RNF217: variants seen among roughly 807,000 people sequenced by gnomAD.
RNF217 encodes the protein ring finger protein 217.
Under a neutral mutation model 57.8 loss-of-function variants are expected in RNF217, and 31 were observed. That is an observed-to-expected ratio of 0.54 (90% CI 0.40 to 0.72). RNF217 has a LOEUF of 0.72. Ranked by LOEUF, RNF217 falls within the 30% of genes least tolerant of loss-of-function variation. The pLI is 0.00. For synonymous variants in RNF217, 313 were observed against 294.0 expected, an observed-to-expected ratio of 1.06 and a Z score of -0.66; for missense variants, 696 against 708.3, an observed-to-expected ratio of 0.98 and a Z score of 0.20.
intron 4 of RNF217, among the ~76,000 whole-genome samples, chr6:125,077,924 T>C (rs1268073037): frequency 6.6e-6 from 1 of 152,190 alleles, no homozygotes; most frequent in Non-Finnish European, 1.5e-5. Flanking sequence ...ACAAAGCTGA[T>C]GTTAGTGATA....
chr6:125,041,458 C>T (rs914249663), intron 1 of RNF217, among the ~76,000 whole-genome samples: 1 of 152,070 alleles, frequency 6.6e-6, no homozygotes, highest in Non-Finnish European at 1.5e-5. Flanking sequence ...TTTACCATGG[C>T]CAACAAGGCC....
chr6:125,050,169 T>C (rs953125209), intron 2 of RNF217, among the ~76,000 whole-genome samples: 1 of 152,116 alleles, frequency 6.6e-6, no homozygotes, highest in South Asian at 2.1e-4. Context: ...TTCATTCTTA[T>C]TCCAAGTGCA....
intron 5 of RNF217, chr6:125,082,374 A>G: frequency 7.2e-7 from 1 of 1,381,792 alleles, no homozygotes. Context: ...TAGAATTATA[A>G]AGTATCTGAC....
chr6:125,045,274 A>G lies in RNF217; in HGVS notation c.946A>G (p.Thr316Ala), dbSNP rs1787051421. 1.2e-6 allele frequency: 2 copies of G among 1,613,442 alleles called. No homozygotes were observed. The change falls in exon 2 of 6, where the codon ACA becomes GCA. Residue 316 changes from threonine to alanine, a missense_variant. Physicochemically the swap from Thr to Ala is moderately conservative, Grantham distance 58. Transcript: ENST00000521654. ...ITECFEFLEETTVVYNLTHED... is the reference protein window; with the variant it reads ...ITECFEFLEEATVVYNLTHED... ...AGAGTGTTTTGAATTCTTGGAAGAAACAACTGTTGTCTATAACTTAACGCA... is the reference window on the plus strand; with the variant it reads ...AGAGTGTTTTGAATTCTTGGAAGAAGCAACTGTTGTCTATAACTTAACGCA...
chr6:125,038,319 A>G (rs2114503403), intron 1 of RNF217, among the ~76,000 whole-genome samples: 1 of 152,290 alleles, frequency 6.6e-6, no homozygotes, highest in South Asian at 2.1e-4. Flanking sequence ...ATGACATGTT[A>G]TTTAGAATGT....
At position 124,988,465 on chromosome 6, in the gene RNF217, A is replaced by G. The variant is rs1784435735; in HGVS notation, c.882+25039A>G. Among the ~76,000 whole-genome samples the G allele has an allele frequency of 3.3e-5, 5 of 152,348 alleles. No individual in the cohort carries two copies. In the South Asian group the frequency reaches 8.3e-4, roughly 25 times the overall value. On this transcript the variant is annotated intron_variant, in intron 1 of 5. Transcript: ENST00000521654. The stretch of plus-strand genomic sequence containing the variant: ...ATGATTGTTAAATCCATGAAAGCAA[A>G]TGAATTTTATAAGTGACACTGTTGG...
At chr6:125,073,161 G>A (rs899903106) in intron 3 of RNF217, among the ~76,000 whole-genome samples, 3 of 152,128 alleles carry the variant, frequency 2.0e-5, no homozygotes, top group African/African-American at 7.2e-5. Context: ...TGGGTTTTCG[G>A]CAGTTGTCTT....
intron 3 of RNF217, among the ~76,000 whole-genome samples, chr6:125,075,504 C>G (rs1280974130): frequency 3.9e-5 from 6 of 152,042 alleles, no homozygotes; most frequent in Admixed American, 3.3e-4. Flanking sequence ...GGGGAAATGC[C>G]AGACGCTTAC....
intron 1 of RNF217, among the ~76,000 whole-genome samples, chr6:125,015,402 C>A (rs1415441766): frequency 6.6e-6 from 1 of 152,022 alleles, no homozygotes; most frequent in African/African-American, 2.4e-5. Flanking sequence ...TGCCCACAAA[C>A]AAATACACTA....
At chr6:125,025,057 G>A (rs934672175) in intron 1 of RNF217, among the ~76,000 whole-genome samples, 1 of 152,086 alleles carries the variant, frequency 6.6e-6, no homozygotes, top group Non-Finnish European at 1.5e-5. Flanking sequence ...AGGATACAGG[G>A]GACAGAAAGA....
At chr6:125,067,037 A>G (rs1178750537) in intron 3 of RNF217, among the ~76,000 whole-genome samples, 3 of 152,182 alleles carry the variant, frequency 2.0e-5, no homozygotes, top group South Asian at 2.1e-4. Context: ...ACTCAACACC[A>G]TCTTGAGGAA....
intron 3 of RNF217, among the ~76,000 whole-genome samples, chr6:125,063,483 T>G (rs1787823178): frequency 1.3e-5 from 2 of 152,166 alleles, no homozygotes; most frequent in Non-Finnish European, 2.9e-5. Context: ...TGCTCTTTGT[T>G]TGTGGTGTTA....
intron 1 of RNF217, among the ~76,000 whole-genome samples, chr6:125,024,719 CAAAAAA>C (rs35985972): frequency 1.2e-5 from 1 of 83,590 alleles, no homozygotes. Flanking sequence ...GACTCTGTCT[CAAAAAA>C]AAAAAAAAAA....
intron 1 of RNF217, among the ~76,000 whole-genome samples, chr6:124,974,334 A>G (rs1783876857): frequency 6.6e-6 from 1 of 152,174 alleles, no homozygotes. Flanking sequence ...CTTTTCAATC[A>G]TTTAATTAAA....
At chr6:125,070,386 G>A (rs1788090711) in intron 3 of RNF217, among the ~76,000 whole-genome samples, 1 of 152,146 alleles carries the variant, frequency 6.6e-6, no homozygotes, top group Non-Finnish European at 1.5e-5. Context: ...CAGGATTGCT[G>A]GATCAAATGA....
chr6:125,050,654 A>G (rs545008), intron 2 of RNF217, among the ~76,000 whole-genome samples: 4,658 of 151,966 alleles, frequency 0.031, 239 homozygotes, highest in African/African-American at 0.11. Flanking sequence ...TGTTTCCCAT[A>G]TATAAGAATG....
At position 125,086,053 on chromosome 6, in the gene RNF217, C is replaced by CT. The variant is rs1186297113; in HGVS notation, c.*3120dup. 1 of 151,896 alleles carries CT rather than the reference C, an allele frequency of 6.6e-6. No homozygotes were observed. Among genetic ancestry groups the CT allele is most frequent in the East Asian group, 1.9e-4 (1 of 5,190 alleles). 9.4% of individuals were successfully genotyped at this position (151,896 alleles called of 1,614,324 possible). ...TACAAAGAAAGCAAGAGTGAAGACCCTTTTGCATATATTTTTGTCACCTTG... is the reference window on the plus strand; with the variant it reads ...TACAAAGAAAGCAAGAGTGAAGACCCTTTTTGCATATATTTTTGTCACCTTG... On this transcript the variant is annotated 3_prime_UTR_variant, in exon 6 of 6. Transcript: ENST00000521654.
intron 1 of RNF217, among the ~76,000 whole-genome samples, chr6:124,990,365 A>T (rs1784515097): frequency 6.6e-6 from 1 of 152,202 alleles, no homozygotes; most frequent in Admixed American, 6.5e-5. Context: ...GAGCTCAGAC[A>T]GTTTCATGGA....
intron 3 of RNF217, among the ~76,000 whole-genome samples, chr6:125,064,858 A>G (rs2114607865): frequency 6.6e-6 from 1 of 152,202 alleles, no homozygotes; most frequent in Non-Finnish European, 1.5e-5. Flanking sequence ...ATATATAGTT[A>G]GGGTACTAGA....
Sources: allele counts gnomAD v4.1 joint callset (sites outside exome capture counted in the v4.1 genomes callset), GRCh38; gene constraint gnomAD v4.1.1; transcripts MANE v1.5; gene names NCBI Gene and HGNC (gene_info 2026-07-23, HGNC 2026-07-21).